RAPGEF6: variants seen among roughly 807,000 people sequenced by gnomAD.
RAPGEF6 encodes the protein Rap guanine nucleotide exchange factor 6, also known as PDZ domain containing guanine nucleotide exchange factor (GEF) 2.
In RAPGEF6, 56 loss-of-function variants were observed where a neutral mutation model predicts 171.4. That is an observed-to-expected ratio of 0.33 (90% CI 0.26 to 0.41). The LOEUF is 0.41. RAPGEF6 is among the 10% of genes least tolerant of loss of function. The pLI is 1.00. For synonymous variants in RAPGEF6, 692 were observed against 650.1 expected, an observed-to-expected ratio of 1.06 and a Z score of -0.98; for missense variants, 1,674 against 1,921.4, an observed-to-expected ratio of 0.87 and a Z score of 2.41.
At chr5:131,538,006 T>A (rs1252975274) in intron 6 of RAPGEF6, among the ~76,000 whole-genome samples, 2 of 152,084 alleles carry the variant, frequency 1.3e-5, no homozygotes. Context: ...GGTGAGAGGA[T>A]CCCTTGAGTT....
chr5:131,478,754 T>A (rs1035505655), intron 16 of RAPGEF6, among the ~76,000 whole-genome samples: 4 of 152,240 alleles, frequency 2.6e-5, no homozygotes, highest in Non-Finnish European at 1.5e-5. Flanking sequence ...TTTTTGTTCC[T>A]ATAACTATAA....
intron 1 of RAPGEF6, among the ~76,000 whole-genome samples, chr5:131,625,913 T>C (rs1765899300): frequency 6.6e-6 from 1 of 151,878 alleles, no homozygotes; most frequent in African/African-American, 2.4e-5. Flanking sequence ...TTGGATAAAA[T>C]ACATGTCCAG....
chr5:131,599,521 C>T (rs942357631), intron 3 of RAPGEF6, among the ~76,000 whole-genome samples: 4 of 152,132 alleles, frequency 2.6e-5, no homozygotes, highest in African/African-American at 4.8e-5. Flanking sequence ...CACACACCTA[C>T]ACACACGGGG....
intron 1 of RAPGEF6, among the ~76,000 whole-genome samples, chr5:131,611,804 T>C (rs959070056): frequency 6.6e-6 from 1 of 152,248 alleles, no homozygotes; most frequent in Non-Finnish European, 1.5e-5. Context: ...AGTTTGTAGA[T>C]TATTTTTGAT....
chr5:131,568,875 GATTATAT>G (rs1340818376), intron 4 of RAPGEF6, among the ~76,000 whole-genome samples: 2 of 151,938 alleles, frequency 1.3e-5, no homozygotes, highest in African/African-American at 4.8e-5. Flanking sequence ...TCTAATAAAA[GATTATAT>G]CAAGGTCACA....
intron 6 of RAPGEF6, among the ~76,000 whole-genome samples, chr5:131,532,762 T>C (rs1414954226): frequency 6.6e-6 from 1 of 152,136 alleles, no homozygotes; most frequent in African/African-American, 2.4e-5. Context: ...ATCTCCAAAA[T>C]TGTAATTATT....
chr5:131,546,001 T>C (rs1360969886), intron 6 of RAPGEF6, among the ~76,000 whole-genome samples: 1 of 152,188 alleles, frequency 6.6e-6, no homozygotes, highest in Non-Finnish European at 1.5e-5. Context: ...GAAATCAGTA[T>C]ATCTAGAAGA....
intron 4 of RAPGEF6, among the ~76,000 whole-genome samples, chr5:131,580,428 CCT>C (rs1415370952): frequency 6.6e-6 from 1 of 152,058 alleles, no homozygotes; most frequent in East Asian, 1.9e-4. Context: ...TCCACAACTC[CCT>C]ACAAGCAGAG....
intron 17 of RAPGEF6, among the ~76,000 whole-genome samples, chr5:131,468,544 C>T (rs1164748859): frequency 1.1e-4 from 11 of 96,934 alleles, no homozygotes; most frequent in Non-Finnish European, 2.4e-4. Flanking sequence ...TGAGATTACA[C>T]TAAAAATGGG....
chr5:131,507,993 A>G (rs1561520869), intron 9 of RAPGEF6, 78 bp downstream of exon 9: 7 of 1,289,710 alleles, frequency 5.4e-6, no homozygotes, highest in Admixed American at 2.6e-5. Context: ...CTCAAAAATC[A>G]GGACAAATTT....
At chr5:131,571,397 TAAG>T (rs918152785) in intron 4 of RAPGEF6, among the ~76,000 whole-genome samples, 9 of 151,990 alleles carry the variant, frequency 5.9e-5, no homozygotes, top group African/African-American at 1.9e-4. Context: ...TATTCAAAAA[TAAG>T]AAATGAAGCT....
At chr5:131,486,956 C>T (rs1483994359) in intron 15 of RAPGEF6, among the ~76,000 whole-genome samples, 4 of 152,132 alleles carry the variant, frequency 2.6e-5, no homozygotes, top group African/African-American at 4.8e-5. Flanking sequence ...CCTGATTCTC[C>T]TTATGCTTGG....
intron 1 of RAPGEF6, among the ~76,000 whole-genome samples, chr5:131,633,714 G>C (rs6869375): frequency 0.019 from 2,838 of 152,302 alleles, 94 homozygotes; most frequent in African/African-American, 0.065. Context: ...CTGGGTGACA[G>C]AGTGAGACTG....
chr5:131,528,526 G>A (rs1004040242), intron 6 of RAPGEF6, among the ~76,000 whole-genome samples: 3 of 151,258 alleles, frequency 2.0e-5, no homozygotes, highest in African/African-American at 4.9e-5. Flanking sequence ...CAAAAGTTGA[G>A]AGTTGGAAGG....
intron 19 of RAPGEF6, 94 bp from the exon 20 acceptor site, chr5:131,456,106 A>G (rs1317356699): frequency 2.4e-6 from 2 of 833,198 alleles, no homozygotes; most frequent in Non-Finnish European, 3.8e-6. Flanking sequence ...ATAAAAGTAA[A>G]AATAAGCAGG....
chr5:131,522,415 A>C (rs1285258462), intron 6 of RAPGEF6, among the ~76,000 whole-genome samples: 1 of 152,182 alleles, frequency 6.6e-6, no homozygotes, highest in Non-Finnish European at 1.5e-5. Flanking sequence ...AAATCAATTT[A>C]ATTTTTAAAA....
At chr5:131,512,368 T>TTTC (rs111413910) in intron 7 of RAPGEF6, among the ~76,000 whole-genome samples, 110,767 of 146,518 alleles carry the variant, frequency 0.76, 41,891 homozygotes, top group Non-Finnish European at 0.79. Context: ...TTACATTTTT[T>TTTC]TTCTTCTTTT....
chr5:131,526,012 T>G (rs1324807999), intron 6 of RAPGEF6, among the ~76,000 whole-genome samples: 1 of 152,196 alleles, frequency 6.6e-6, no homozygotes, highest in African/African-American at 2.4e-5. Flanking sequence ...AAGTAAGCAG[T>G]AGAGTTGGGA....
intron 6 of RAPGEF6, among the ~76,000 whole-genome samples, chr5:131,538,674 A>G (rs1759935776): frequency 6.6e-6 from 1 of 152,184 alleles, no homozygotes; most frequent in African/African-American, 2.4e-5. Context: ...TGGTACATTA[A>G]AAAAATTTTA....
Sources: allele counts gnomAD v4.1 joint callset (sites outside exome capture counted in the v4.1 genomes callset), GRCh38; gene constraint gnomAD v4.1.1; transcripts MANE v1.5; gene names NCBI Gene and HGNC (gene_info 2026-07-23, HGNC 2026-07-21).